THRB: variants seen among roughly 807,000 people sequenced by gnomAD.
The protein encoded by THRB is nuclear receptor subfamily 1 group A member 2.
In THRB, 12 loss-of-function variants were observed where a neutral mutation model predicts 47.8. The observed-to-expected ratio is 0.25, with a 90% CI of 0.16 to 0.41. THRB has a LOEUF of 0.41. Among genes scored for constraint, THRB ranks in the 10% least tolerant of loss-of-function variants. THRB has a pLI of 1.00. For synonymous variants in THRB, 218 were observed against 212.2 expected, an observed-to-expected ratio of 1.03 and a Z score of -0.24; for missense variants, 348 against 589.2, an observed-to-expected ratio of 0.59 and a Z score of 4.24.
intron 4 of THRB, among the ~76,000 whole-genome samples, chr3:24,228,637 A>G (rs941590894): frequency 5.5e-5 from 3 of 54,992 alleles, no homozygotes; most frequent in African/African-American, 1.0e-4. Context: ...TGTCTCAAAG[A>G]AAAAAAAAAA....
chr3:24,210,632 A>G (rs1048742377), intron 4 of THRB, among the ~76,000 whole-genome samples: 1 of 152,100 alleles, frequency 6.6e-6, no homozygotes, highest in Non-Finnish European at 1.5e-5. Context: ...TGAGTTTCCA[A>G]TGCTTCTGAT....
At chr3:24,449,480 T>G (rs1314167126) in intron 1 of THRB, among the ~76,000 whole-genome samples, 1 of 152,166 alleles carries the variant, frequency 6.6e-6, no homozygotes, top group South Asian at 2.1e-4. Context: ...GTACTATATA[T>G]TAACTCAGCA....
intron 4 of THRB, among the ~76,000 whole-genome samples, chr3:24,203,473 C>A (rs2044849996): frequency 6.6e-6 from 1 of 152,128 alleles, no homozygotes; most frequent in Non-Finnish European, 1.5e-5. Context: ...ACCCATGGAG[C>A]AATAGTGTCT....
intron 1 of THRB, among the ~76,000 whole-genome samples, chr3:24,350,523 A>G (rs1039324167): frequency 3.3e-5 from 5 of 152,184 alleles, no homozygotes; most frequent in African/African-American, 1.2e-4. Flanking sequence ...AGTCTTCCAA[A>G]CATAATATTG....
chr3:24,270,109 A>G (rs548268442), intron 3 of THRB, among the ~76,000 whole-genome samples: 3 of 152,358 alleles, frequency 2.0e-5, no homozygotes, highest in East Asian at 3.9e-4. Flanking sequence ...ATAAAAGCTA[A>G]AAGATGGTTC....
At chr3:24,221,931 G>A (rs1159078679) in intron 4 of THRB, among the ~76,000 whole-genome samples, 2 of 152,314 alleles carry the variant, frequency 1.3e-5, no homozygotes, top group South Asian at 2.1e-4. Flanking sequence ...GGGATGAAAG[G>A]AGGACAGAGA....
In THRB at chr3:24,228,940, G is replaced by C; in HGVS notation, c.20C>G (p.Thr7Arg). ...AAAATGTAAAAAAAAAAAGATACCTGTCATACTGTTGGGAGTCATAGGTTA... is the reference window on the plus strand; with the variant it reads ...AAAATGTAAAAAAAAAAAGATACCTCTCATACTGTTGGGAGTCATAGGTTA... The part of the protein sequence containing the change: MTPNSM[T>R]ENGLTAWDKP... Residue 7 changes from threonine to arginine, a missense_variant and splice_region_variant, in exon 4 of 11, where the codon ACA becomes AGA. Physicochemically the swap from Thr to Arg is moderately conservative, Grantham distance 71. Around this residue, in one of 5 missense-constraint regions of THRB, gnomAD observed 148 missense variants for 122.3 expected, o/e 1.21. Coordinates refer to ENST00000646209, the MANE Select transcript of THRB (RefSeq NM_001354712.2). 6.2e-7 allele frequency: 1 copy of C among 1,610,556 alleles called. No individual in the cohort carries two copies. Among genetic ancestry groups the C allele is most frequent in the Non-Finnish European group, 8.5e-7 (1 of 1,178,188 alleles).
chr3:24,299,008 G>A (rs1000820425), intron 2 of THRB, among the ~76,000 whole-genome samples: 10 of 151,968 alleles, frequency 6.6e-5, no homozygotes, highest in Non-Finnish European at 1.3e-4. Context: ...AGCACTTTGG[G>A]AGGCCCAGGC....
intron 1 of THRB, among the ~76,000 whole-genome samples, chr3:24,473,980 G>A (rs764350026): frequency 6.6e-6 from 1 of 152,136 alleles, no homozygotes; most frequent in African/African-American, 2.4e-5. Context: ...GGCTAGGGGA[G>A]GGATAGCATT....
At position 24,133,285 on chromosome 3, in the gene THRB, A is replaced by G. The variant is rs1391028874; in HGVS notation, c.885+31T>C. ...GGAAACTGATGAAACTATAATTAAG[A>G]ATAATGCAGAAGGAAAAACAACATC... On this transcript the variant is annotated intron_variant, in intron 9 of 10. Coordinates refer to ENST00000646209, the MANE Select transcript of THRB (RefSeq NM_001354712.2). 3 of 1,612,214 alleles carry G rather than the reference A, an allele frequency of 1.9e-6. No homozygotes were observed. The African/African-American group carries it at 4.0e-5, about 22-fold the overall frequency.
chr3:24,493,419 A>G (rs1698488750), intron 1 of THRB, among the ~76,000 whole-genome samples: 1 of 152,250 alleles, frequency 6.6e-6, no homozygotes, highest in Admixed American at 6.5e-5. Context: ...ACATTACCTA[A>G]TACATTTATC....
intron 1 of THRB, among the ~76,000 whole-genome samples, chr3:24,373,681 A>T (rs1226586829): frequency 6.6e-6 from 1 of 152,186 alleles, no homozygotes; most frequent in Admixed American, 6.6e-5. Context: ...AAAAACTGTT[A>T]AAGCCAACTA....
chr3:24,189,397 C>CAAAG (rs1378514058), intron 5 of THRB, among the ~76,000 whole-genome samples: 2 of 152,090 alleles, frequency 1.3e-5, no homozygotes, highest in Non-Finnish European at 2.9e-5. Flanking sequence ...ATTTAAGAAG[C>CAAAG]AAAGATTTTG....
chr3:24,420,115 C>T lies in THRB; in HGVS notation c.-261+74537G>A, dbSNP rs574024563. ...GTATAAAAATGACATAAATTTATGC[C>T]TGGCATGTCATAGTGCTTAGCAAAT... On this transcript the variant is annotated intron_variant, in intron 1 of 10. Transcript: ENST00000646209. 3.1e-3 allele frequency among the ~76,000 whole-genome samples: 477 copies of T among 152,006 alleles called. 3 individuals carry two copies. The highest frequency in any genetic ancestry group is 5.8e-3 in the Non-Finnish European group (394 of 67,874).
chr3:24,234,861 G>A (rs2048704180), intron 3 of THRB, among the ~76,000 whole-genome samples: 1 of 152,186 alleles, frequency 6.6e-6, no homozygotes, highest in Admixed American at 6.5e-5. Context: ...TGCAGGAGCG[G>A]GGCAGGAAGT....
intron 3 of THRB, among the ~76,000 whole-genome samples, chr3:24,279,793 T>C (rs544841716): frequency 6.6e-6 from 1 of 152,272 alleles, no homozygotes; most frequent in South Asian, 2.1e-4. Context: ...ACTGAAAAAT[T>C]CCTTTTTAAA....
intron 1 of THRB, among the ~76,000 whole-genome samples, chr3:24,380,000 A>G (rs989165159): frequency 1.3e-5 from 2 of 151,076 alleles, no homozygotes; most frequent in Non-Finnish European, 2.9e-5. Context: ...TCCTTCCTTT[A>G]TATGCCCATT....
At chr3:24,367,156 T>C (rs1046760938) in intron 1 of THRB, among the ~76,000 whole-genome samples, 3 of 152,176 alleles carry the variant, frequency 2.0e-5, no homozygotes, top group African/African-American at 7.2e-5. Context: ...ACTTTCAGCA[T>C]AGGCTGGAAG....
intron 3 of THRB, among the ~76,000 whole-genome samples, chr3:24,258,510 C>T (rs1171111532): frequency 6.6e-6 from 1 of 152,160 alleles, no homozygotes; most frequent in African/African-American, 2.4e-5. Context: ...CTGCTCTGTA[C>T]TTAGTACCAT....
Sources: gnomAD v4.1 joint callset for allele counts (sites outside exome capture counted in the v4.1 genomes callset) on GRCh38, gnomAD v4.1.1 for gene constraint, gnomAD v4.1.1 regional missense constraint, MANE v1.5 for transcripts, NCBI Gene and HGNC (gene_info 2026-07-23, HGNC 2026-07-21) for gene names.